Variants in NOX4 observed in about 807,000 individuals in gnomAD.
NOX4 encodes the protein NADPH oxidase 4.
Under a neutral mutation model 87.6 loss-of-function variants are expected in NOX4, and 69 were observed. That is an observed-to-expected ratio of 0.79 (90% CI 0.65 to 0.96). NOX4 has a LOEUF of 0.96. Ranked by LOEUF, NOX4 falls within the 40% of genes least tolerant of loss-of-function variation. The probability of loss-of-function intolerance (pLI) is 0.00; values close to 1 mark genes in which losing one functional copy is unlikely to be tolerated. For missense variants in NOX4, 680 were observed against 681.5 expected (o/e 1.00, Z 0.02); for synonymous variants, 275 against 238.2 (o/e 1.15, Z -1.42).
chr11:89,541,976 T>G, the NOX4 span, among the ~76,000 whole-genome samples: 1 of 125,892 alleles, frequency 7.9e-6, no homozygotes, highest in East Asian at 2.2e-4. Context: ...CAGCTAATTT[T>G]TGTAGTTTTT....
At chr11:89,484,196 A>G (rs1344797798) in intron 2 of NOX4, among the ~76,000 whole-genome samples, 1 of 152,098 alleles carries the variant, frequency 6.6e-6, no homozygotes, top group Non-Finnish European at 1.5e-5. Context: ...TTCCAATTCT[A>G]TGCTGTTTGG....
the NOX4 span, among the ~76,000 whole-genome samples, chr11:89,572,109 T>G: frequency 1.3e-5 from 2 of 152,192 alleles, no homozygotes; most frequent in African/African-American, 4.8e-5. Flanking sequence ...GTCTCATGTC[T>G]CCCTAAAATG....
At chr11:89,514,344 G>A in the NOX4 span, among the ~76,000 whole-genome samples, 1 of 151,736 alleles carries the variant, frequency 6.6e-6, no homozygotes, top group Non-Finnish European at 1.5e-5. Flanking sequence ...TTTTTGTAAA[G>A]TGATATTTTA....
At chr11:89,527,194 C>A in the NOX4 span, among the ~76,000 whole-genome samples, 1 of 152,088 alleles carries the variant, frequency 6.6e-6, no homozygotes, top group African/African-American at 2.4e-5. Context: ...TTCTAAGCAG[C>A]AAAACATTCA....
chr11:89,485,306 A>G (rs186294495), intron 2 of NOX4, among the ~76,000 whole-genome samples: 69 of 152,270 alleles, frequency 4.5e-4, no homozygotes, highest in African/African-American at 1.5e-3. Context: ...TAAAAGCAAA[A>G]TAAAAATTAA....
At chr11:89,355,298 G>T (rs1317420676) in intron 12 of NOX4, among the ~76,000 whole-genome samples, 1 of 146,078 alleles carries the variant, frequency 6.8e-6, no homozygotes, top group Non-Finnish European at 1.5e-5. Context: ...GGATAAATAG[G>T]TATAAATATA....
chr11:89,342,267 C>A, intron 13 of NOX4, 74 bp from the exon 14 acceptor site: 5 of 1,340,988 alleles, frequency 3.7e-6, no homozygotes, highest in African/African-American at 1.5e-5. Flanking sequence ...ATATAGCAAA[C>A]ATGCTGAATG....
At position 89,491,317 on chromosome 11, in the gene NOX4, G is replaced by C; in HGVS notation, c.-71C>G. ...AGGAGCGGGCGGCGGCCGGGGCAGC[G>C]GTTACAGTTGTGCGGCCTGCCGGGC... On this transcript the variant is annotated 5_prime_UTR_variant, in exon 1 of 18. Coordinates refer to ENST00000263317, the MANE Select transcript of NOX4 (RefSeq NM_016931.5). The C allele has an allele frequency of 1.4e-6, 2 of 1,415,838 alleles. No homozygotes were observed. The highest frequency in any genetic ancestry group is 2.4e-5 in the East Asian group (1 of 42,222). 87.7% of individuals were successfully genotyped at this position (1,415,838 alleles called of 1,614,324 possible).
chr11:89,418,717 T>C (rs576447189), intron 8 of NOX4, among the ~76,000 whole-genome samples: 9 of 151,948 alleles, frequency 5.9e-5, no homozygotes, highest in Admixed American at 2.0e-4. Context: ...CGAAAGAACA[T>C]TGTGAGAATT....
chr11:89,454,148 C>T (rs1176028199), intron 2 of NOX4, among the ~76,000 whole-genome samples: 3 of 152,084 alleles, frequency 2.0e-5, no homozygotes, highest in Non-Finnish European at 4.4e-5. Flanking sequence ...CTGTTACTTC[C>T]ATTTAGTGTG....
intron 6 of NOX4, among the ~76,000 whole-genome samples, chr11:89,433,301 A>C (rs926586139): frequency 6.6e-6 from 1 of 152,072 alleles, no homozygotes; most frequent in Non-Finnish European, 1.5e-5. Context: ...AGTCGTTTAG[A>C]CCAATCAGGA....
At chr11:89,384,808 C>T (rs1034554272) in intron 11 of NOX4, among the ~76,000 whole-genome samples, 1 of 152,166 alleles carries the variant, frequency 6.6e-6, no homozygotes, top group Non-Finnish European at 1.5e-5. Flanking sequence ...TCTGTCCAAA[C>T]AACTTGACCT....
chr11:89,397,545 AG>A (rs1181148990), intron 11 of NOX4, among the ~76,000 whole-genome samples: 3 of 152,170 alleles, frequency 2.0e-5, no homozygotes, highest in Admixed American at 2.0e-4. Flanking sequence ...TTTTTTGAAA[AG>A]ATCAACAAAA....
At chr11:89,422,481 G>A (rs986179462) in intron 7 of NOX4, among the ~76,000 whole-genome samples, 2 of 152,142 alleles carry the variant, frequency 1.3e-5, no homozygotes, top group Non-Finnish European at 2.9e-5. Flanking sequence ...ATACCTCAAT[G>A]TTATTGCTCT....
the NOX4 span, among the ~76,000 whole-genome samples, chr11:89,526,756 G>C: frequency 6.6e-6 from 1 of 152,152 alleles, no homozygotes; most frequent in East Asian, 1.9e-4. Flanking sequence ...GGCCTCCCGA[G>C]CCATGCTGAA....
At chr11:89,432,160 T>G (rs1490896203) in intron 7 of NOX4, among the ~76,000 whole-genome samples, 2 of 151,590 alleles carry the variant, frequency 1.3e-5, no homozygotes, top group Non-Finnish European at 2.9e-5. Flanking sequence ...ATGAGAACAC[T>G]TGGACACAGG....
At chr11:89,462,777 A>G (rs747890348) in intron 2 of NOX4, among the ~76,000 whole-genome samples, 3 of 152,082 alleles carry the variant, frequency 2.0e-5, no homozygotes, top group Non-Finnish European at 2.9e-5. Context: ...TTTGGACATT[A>G]GCGTAGGTAT....
chr11:89,519,089 C>T, the NOX4 span, among the ~76,000 whole-genome samples: 1 of 151,938 alleles, frequency 6.6e-6, no homozygotes, highest in African/African-American at 2.4e-5. Context: ...TAAACACCAC[C>T]TGTAAAGTCT....
At chr11:89,551,313 A>G in the NOX4 span, among the ~76,000 whole-genome samples, 1 of 152,162 alleles carries the variant, frequency 6.6e-6, no homozygotes, top group Non-Finnish European at 1.5e-5. Flanking sequence ...TGAAATTTAA[A>G]GTAGTTTTTT....
Sources: gnomAD v4.1 joint callset for allele counts (sites outside exome capture counted in the v4.1 genomes callset) on GRCh38, gnomAD v4.1.1 for gene constraint, MANE v1.5 for transcripts, NCBI Gene and HGNC (gene_info 2026-07-23, HGNC 2026-07-21) for gene names.